Variants in ERBB4 observed in about 807,000 individuals in gnomAD.
The protein encoded by ERBB4 is erb-b2 receptor tyrosine kinase 4, also known as receptor tyrosine-protein kinase erbB-4.
A neutral mutation model predicts 158.0 loss-of-function variants in ERBB4; 42 were observed. The ratio of observed to expected loss-of-function variants is 0.27; its 90% CI spans 0.21 to 0.34. The LOEUF (loss-of-function observed/expected upper bound fraction) is 0.34, where lower values mean the gene tolerates loss of function less well. ERBB4 is among the 10% of genes least tolerant of loss of function. The pLI is 1.00. For missense variants in ERBB4, 1,333 were observed against 1,624.1 expected (o/e 0.82, Z 3.08); for synonymous variants, 583 against 558.7 (o/e 1.04, Z -0.61).
chr2:211,766,124 T>C (rs1416021533), intron 4 of ERBB4, among the ~76,000 whole-genome samples: 2 of 152,248 alleles, frequency 1.3e-5, no homozygotes, highest in African/African-American at 4.8e-5. Flanking sequence ...CTGCATAATT[T>C]TCTCTCCATT....
chr2:211,790,664 A>G (rs1267727058), intron 3 of ERBB4, among the ~76,000 whole-genome samples: 1 of 152,060 alleles, frequency 6.6e-6, no homozygotes, highest in Non-Finnish European at 1.5e-5. Flanking sequence ...CACATGATCA[A>G]TCCAGATGAT....
At chr2:211,399,537 A>C (rs1218473245) in intron 25 of ERBB4, among the ~76,000 whole-genome samples, 2 of 152,224 alleles carry the variant, frequency 1.3e-5, no homozygotes, top group African/African-American at 4.8e-5. Flanking sequence ...AGATGCAATT[A>C]TCTGACTATT....
chr2:211,424,916 T>A (rs1043515315), intron 22 of ERBB4, among the ~76,000 whole-genome samples: 1 of 152,066 alleles, frequency 6.6e-6, no homozygotes, highest in African/African-American at 2.4e-5. Flanking sequence ...AACAAAATTG[T>A]GAAGGGGATA....
At chr2:212,255,763 C>A (rs116063393) in intron 1 of ERBB4, among the ~76,000 whole-genome samples, 1 of 152,040 alleles carries the variant, frequency 6.6e-6, no homozygotes, top group South Asian at 2.1e-4. Flanking sequence ...GGATGCTAAA[C>A]CTGAATTTAA....
chr2:211,758,271 A>G (rs528056160), intron 4 of ERBB4, among the ~76,000 whole-genome samples: 1 of 152,206 alleles, frequency 6.6e-6, no homozygotes, highest in Non-Finnish European at 1.5e-5. Flanking sequence ...TCCTTCCAAC[A>G]TGCCTTCAGA....
rs1346078820 is a variant in ERBB4 at position 211,773,633 on chromosome 2, TATATATATATATATAA to T, written c.556+14376_556+14391del. On this transcript the variant is annotated intron_variant, in intron 4 of 27. Transcript: ENST00000342788. Reference sequence around the variant, plus strand: ...ATATATATATATATATATATATATATATATATATATATATAATATATATACACACACACACACTTCA... The same window carrying T: ...ATATATATATATATATATATATATATTATATATACACACACACACACTTCA... Among the ~76,000 whole-genome samples, 76 of 102,832 alleles carry T rather than the reference TATATATATATATATAA, an allele frequency of 7.4e-4. 1 individual carries two copies. Among genetic ancestry groups the T allele is most frequent in the South Asian group, 4.7e-3 (16 of 3,414 alleles). The allele number at this position is 102,832 out of a possible 152,430, so 67.5% of individuals were successfully genotyped here.
intron 3 of ERBB4, among the ~76,000 whole-genome samples, chr2:211,867,024 CAA>C (rs386392490): frequency 0.15 from 9,146 of 59,878 alleles, 170 homozygotes; most frequent in South Asian, 0.24. Context: ...TCCTTAAAAC[CAA>C]AAAAAAAAAA....
chr2:211,393,081 A>G (rs2062836683), intron 25 of ERBB4, among the ~76,000 whole-genome samples: 1 of 152,224 alleles, frequency 6.6e-6, no homozygotes, highest in African/African-American at 2.4e-5. Flanking sequence ...TATGAACAAG[A>G]GTCAAGACAG....
chr2:211,586,533 T>C (rs934254377), intron 19 of ERBB4, among the ~76,000 whole-genome samples: 1 of 152,214 alleles, frequency 6.6e-6, no homozygotes, highest in Admixed American at 6.5e-5. Context: ...CCTTTTCTTT[T>C]CTTGCCAGAA....
At chr2:211,981,626 C>T (rs559914333) in intron 2 of ERBB4, among the ~76,000 whole-genome samples, 1 of 152,272 alleles carries the variant, frequency 6.6e-6, no homozygotes, top group African/African-American at 2.4e-5. Flanking sequence ...ATGAAATGGC[C>T]TCCCTTACAT....
At chr2:212,213,886 G>T (rs1402037580) in intron 1 of ERBB4, among the ~76,000 whole-genome samples, 1 of 151,700 alleles carries the variant, frequency 6.6e-6, no homozygotes, top group Non-Finnish European at 1.5e-5. Context: ...AATGGGAGTG[G>T]CTTATCAAAA....
intron 1 of ERBB4, among the ~76,000 whole-genome samples, chr2:212,149,873 G>T (rs955518650): frequency 6.6e-6 from 1 of 152,116 alleles, no homozygotes; most frequent in Non-Finnish European, 1.5e-5. Flanking sequence ...AATACAAAGT[G>T]TCATGGGAAT....
intron 8 of ERBB4, among the ~76,000 whole-genome samples, 155 bp from the exon 9 acceptor site, chr2:211,712,331 T>C (rs936199004): frequency 3.9e-5 from 6 of 152,202 alleles, no homozygotes; most frequent in African/African-American, 9.6e-5. Flanking sequence ...AATTATTCAT[T>C]CGTTCAACAT....
At chr2:212,067,937 C>T (rs1322597366) in intron 2 of ERBB4, among the ~76,000 whole-genome samples, 1 of 151,924 alleles carries the variant, frequency 6.6e-6, no homozygotes, top group Non-Finnish European at 1.5e-5. Flanking sequence ...GACACTTGTA[C>T]AAAAATAAAT....
intron 3 of ERBB4, among the ~76,000 whole-genome samples, chr2:211,914,895 A>C (rs2079645567): frequency 6.6e-6 from 1 of 152,094 alleles, no homozygotes; most frequent in Admixed American, 6.6e-5. Context: ...AGGAGTAAGC[A>C]ACTTTTCAGG....
At chr2:211,425,334 T>A (rs867523563) in intron 22 of ERBB4, among the ~76,000 whole-genome samples, 2 of 151,480 alleles carry the variant, frequency 1.3e-5, no homozygotes, top group Non-Finnish European at 1.5e-5. Flanking sequence ...CATTGACTGA[T>A]AACAAAAATA....
intron 3 of ERBB4, among the ~76,000 whole-genome samples, chr2:211,814,216 C>T (rs1189641135): frequency 5.3e-5 from 8 of 152,106 alleles, no homozygotes. Context: ...CCATCCTTAA[C>T]ACCTGTATAA....
intron 3 of ERBB4, among the ~76,000 whole-genome samples, chr2:211,945,205 T>A (rs749251324): frequency 5.9e-5 from 9 of 152,268 alleles, no homozygotes; most frequent in Non-Finnish European, 1.3e-4. Flanking sequence ...TATTCTTCCA[T>A]GTGAACTGTT....
At chr2:211,808,019 A>G (rs750079499) in intron 3 of ERBB4, among the ~76,000 whole-genome samples, 20 of 152,094 alleles carry the variant, frequency 1.3e-4, no homozygotes, top group Non-Finnish European at 7.4e-5. Flanking sequence ...TAGATTCTGG[A>G]TATTAGCCCT....
Sources: allele counts gnomAD v4.1 joint callset (sites outside exome capture counted in the v4.1 genomes callset), GRCh38; gene constraint gnomAD v4.1.1; transcripts MANE v1.5; gene names NCBI Gene and HGNC (gene_info 2026-07-23, HGNC 2026-07-21).